Variants in SMAD2 observed in about 807,000 individuals in gnomAD.
The protein encoded by SMAD2 is MAD homolog 2.
A neutral mutation model predicts 64.4 loss-of-function variants in SMAD2; 8 were observed. The ratio of observed to expected loss-of-function variants is 0.12; its 90% CI spans 0.07 to 0.22. The LOEUF (loss-of-function observed/expected upper bound fraction) is 0.22. Ranked by LOEUF, SMAD2 falls within the 10% of genes least tolerant of loss-of-function variation. The probability of loss-of-function intolerance (pLI) is 1.00; values close to 1 mark genes in which losing one functional copy is unlikely to be tolerated. For synonymous variants in SMAD2, 203 were observed against 195.8 expected (o/e 1.04, Z -0.31); for missense variants, 289 against 561.2 (o/e 0.51, Z 4.90).
Position 47,837,876 on chromosome 18 carries a change from A to C in SMAD2, c.*3951T>G, listed in dbSNP as rs946486052. 1 of 232,802 alleles carries C rather than the reference A, an allele frequency of 4.3e-6. No homozygotes were observed. Among genetic ancestry groups the C allele is most frequent in the Non-Finnish European group, 8.5e-6 (1 of 117,672 alleles). The allele number at this position is 232,802 out of a possible 1,614,324, so 14.4% of individuals were successfully genotyped here. On this transcript the variant is annotated 3_prime_UTR_variant, in exon 11 of 11. Coordinates refer to ENST00000262160, the MANE Select transcript of SMAD2 (RefSeq NM_005901.6). ...TCAGCTTTTAAAGTAAAGACTGTAC[A>C]TGAAGACATATTTTATGTACAGTGA...
At chr18:47,918,451 A>G (rs2034421742) in intron 1 of SMAD2, among the ~76,000 whole-genome samples, 1 of 152,200 alleles carries the variant, frequency 6.6e-6, no homozygotes, top group African/African-American at 2.4e-5. Context: ...ACCAACAAAC[A>G]GCCTGCCTGC....
intron 2 of SMAD2, among the ~76,000 whole-genome samples, chr18:47,876,094 T>C (rs925663324): frequency 2.2e-4 from 33 of 151,940 alleles, no homozygotes; most frequent in African/African-American, 8.0e-4. Context: ...GGTCTGAAAA[T>C]GTTAAACTAA....
At chr18:47,865,749 T>C (rs2031508093) in intron 5 of SMAD2, among the ~76,000 whole-genome samples, 1 of 152,304 alleles carries the variant, frequency 6.6e-6, no homozygotes, top group South Asian at 2.1e-4. Flanking sequence ...TATAGACTAC[T>C]GTATAAAGAG....
intron 1 of SMAD2, chr18:47,920,035 C>T (rs1488958930): frequency 6.6e-6 from 1 of 152,180 alleles, no homozygotes; most frequent in East Asian, 1.9e-4. Context: ...GTACTACAGA[C>T]TAGGTGGCTT....
At position 47,810,638 on chromosome 18, in the gene SMAD2, G is replaced by A. The variant is rs1271815930; in HGVS notation, c.*31189C>T. On this transcript the variant is annotated 3_prime_UTR_variant, in exon 11 of 11. Transcript: ENST00000262160. ...TGATTGACCAACTAACATTTGACTT[G>A]GAAATATAAATAAAGCCCAGGCATG... 3 of 152,080 alleles carry A rather than the reference G, an allele frequency of 2.0e-5. No individual in the cohort carries two copies. 9.4% of individuals were successfully genotyped at this position (152,080 alleles called of 1,614,324 possible). A position where few individuals can be genotyped will look rare whatever the true frequency, so the allele number is the denominator to read the frequency against.
chr18:47,871,540 C>G (rs554190710), intron 2 of SMAD2, among the ~76,000 whole-genome samples: 1 of 152,206 alleles, frequency 6.6e-6, no homozygotes, highest in African/African-American at 2.4e-5. Context: ...ACTACAGGTG[C>G]TGTCACATAG....
chr18:47,879,058 A>G (rs2032432015), intron 2 of SMAD2, among the ~76,000 whole-genome samples: 5 of 152,188 alleles, frequency 3.3e-5, no homozygotes, highest in Admixed American at 3.3e-4. Context: ...CAGTAGGTGG[A>G]GGCTGCAGTG....
chr18:47,926,455 G>A (rs966983559), intron 1 of SMAD2, among the ~76,000 whole-genome samples: 1 of 151,946 alleles, frequency 6.6e-6, no homozygotes, highest in Non-Finnish European at 1.5e-5. Flanking sequence ...TATCCTCACC[G>A]AGCTGTTATC....
chr18:47,925,816 A>G (rs1208364659), intron 1 of SMAD2, among the ~76,000 whole-genome samples: 2 of 151,300 alleles, frequency 1.3e-5, no homozygotes. Flanking sequence ...AGTAACCCTG[A>G]GGTAAGGTTA....
rs1404629293 is a variant in SMAD2, at chr18:47,811,590, C to T, written c.*30237G>A. The T allele has an allele frequency of 6.6e-6, 1 of 152,136 alleles. No individual in the cohort carries two copies. The highest frequency in any genetic ancestry group is 1.5e-5 in the Non-Finnish European group (1 of 68,062). 9.4% of individuals were successfully genotyped at this position (152,136 alleles called of 1,614,324 possible). A position where few individuals can be genotyped will look rare whatever the true frequency, so the allele number is the denominator to read the frequency against. ...CTGGGTTGGGTGAATTGGTCCTCAA[C>T]CATGCATCTCCTCCAGACCCCATCC... is the stretch of plus-strand genomic sequence containing the variant. On this transcript the variant is annotated 3_prime_UTR_variant, in exon 11 of 11. Coordinates refer to ENST00000262160, the MANE Select transcript of SMAD2 (RefSeq NM_005901.6).
In SMAD2 at chr18:47,840,417, C is replaced by T. The variant is rs1216701387; in HGVS notation, c.*1410G>A. The T allele has an allele frequency of 4.3e-6, 1 of 232,756 alleles. No homozygotes were observed. Among genetic ancestry groups the T allele is most frequent in the Admixed American group, 5.6e-5 (1 of 17,774 alleles). 14.4% of individuals were successfully genotyped at this position (232,756 alleles called of 1,614,324 possible). ...AGCAACAGAGTTTCGGAAATCTCCT[C>T]TCACTACAGAGCATGAAATATTGTC... is the stretch of plus-strand genomic sequence containing the variant. On this transcript the variant is annotated 3_prime_UTR_variant, in exon 11 of 11. Coordinates refer to ENST00000262160, the MANE Select transcript of SMAD2 (RefSeq NM_005901.6).
chr18:47,927,956 G>A lies in SMAD2; in HGVS notation c.-54+2405C>T, dbSNP rs138105142. On this transcript the variant is annotated intron_variant, in intron 1 of 10. Coordinates refer to ENST00000262160, the MANE Select transcript of SMAD2 (RefSeq NM_005901.6). The stretch of plus-strand genomic sequence containing the variant: ...AATCTCTCATAACCTCTCTTAACTG[G>A]TTGTGAATTCCTTACGTTTCACATT... Among the ~76,000 whole-genome samples, 3 of 152,280 alleles carry A rather than the reference G, an allele frequency of 2.0e-5. No individual in the cohort carries two copies. In the East Asian group the frequency reaches 5.8e-4, roughly 29 times the overall value.
At position 47,832,670 on chromosome 18, in the gene SMAD2, T is replaced by C. The variant is rs1326434462; in HGVS notation, c.*9157A>G. 2 of 152,192 alleles carry C rather than the reference T, an allele frequency of 1.3e-5. No individual in the cohort carries two copies. Among genetic ancestry groups the C allele is most frequent in the East Asian group, 1.9e-4 (1 of 5,194 alleles). The allele number at this position is 152,192 out of a possible 1,614,324, so 9.4% of individuals were successfully genotyped here. On this transcript the variant is annotated 3_prime_UTR_variant, in exon 11 of 11. Coordinates refer to ENST00000262160, the MANE Select transcript of SMAD2 (RefSeq NM_005901.6). The stretch of plus-strand genomic sequence containing the variant: ...ACTGATTATATGAGATTATATCTTA[T>C]CTAGTATTTTTCAATGGAGCCTTAA...
chr18:47,845,860 G>GAAGCATTT (rs1914444838), intron 8 of SMAD2, 60 bp from the exon 9 acceptor site: 2 of 1,502,282 alleles, frequency 1.3e-6, no homozygotes, highest in Admixed American at 3.3e-5. Context: ...TGTGACTTTG[G>GAAGCATTT]AAGCATTTTC....
At chr18:47,921,670 C>A (rs2034566496) in intron 1 of SMAD2, among the ~76,000 whole-genome samples, 1 of 152,086 alleles carries the variant, frequency 6.6e-6, no homozygotes, top group East Asian at 1.9e-4. Flanking sequence ...GCACACAGTT[C>A]CCACAGTTCT....
chr18:47,836,341 A>G lies in SMAD2; in HGVS notation c.*5486T>C, dbSNP rs1913409672. ...CCCAGAATCTGCTGGATGTATAATA[A>G]TTTAGTAACGGGGTATATGGCAGAG... On this transcript the variant is annotated 3_prime_UTR_variant, in exon 11 of 11. Transcript: ENST00000262160. The G allele has an allele frequency of 4.5e-6, 1 of 223,120 alleles. No homozygotes were observed. Among genetic ancestry groups the G allele is most frequent in the Non-Finnish European group, 9.0e-6 (1 of 111,724 alleles). The allele number at this position is 223,120 out of a possible 1,614,324, so 13.8% of individuals were successfully genotyped here.
At chr18:47,928,513 T>C (rs573341411) in intron 1 of SMAD2, among the ~76,000 whole-genome samples, 2 of 152,372 alleles carry the variant, frequency 1.3e-5, no homozygotes, top group South Asian at 2.1e-4. Flanking sequence ...ACTAAAGTTC[T>C]GTTGAAATAC....
chr18:47,867,285 C>T (rs1253012196), intron 5 of SMAD2: 1 of 152,074 alleles, frequency 6.6e-6, no homozygotes, highest in Non-Finnish European at 1.5e-5. Flanking sequence ...AAAACCACTT[C>T]CCATTTGTAA....
Position 47,812,645 on chromosome 18 carries a change from T to C in SMAD2, c.*29182A>G, listed in dbSNP as rs1203200156. The C allele has an allele frequency of 1.3e-5, 2 of 152,148 alleles. No individual in the cohort carries two copies. The highest frequency in any genetic ancestry group is 2.9e-5 in the Non-Finnish European group (2 of 68,034). The allele number at this position is 152,148 out of a possible 1,614,324, so 9.4% of individuals were successfully genotyped here. A position where few individuals can be genotyped will look rare whatever the true frequency, so the allele number is the denominator to read the frequency against. On this transcript the variant is annotated 3_prime_UTR_variant, in exon 11 of 11. Transcript: ENST00000262160. ...CTTCCTTCCCTCAACATGTAGGGAT[T>C]ACAATTCAAGATGAGATTTGGGTGG...
Sources: allele counts gnomAD v4.1 joint callset (sites outside exome capture counted in the v4.1 genomes callset), GRCh38; gene constraint gnomAD v4.1.1; transcripts MANE v1.5; gene names NCBI Gene and HGNC (gene_info 2026-07-23, HGNC 2026-07-21).